The following PLD5 variants were observed in gnomAD, a reference collection of about 807,000 sequenced individuals.
PLD5 encodes inactive phospholipase D5.
PLD5 carries 36 observed loss-of-function variants against 61.1 expected under a neutral mutation model. The ratio of observed to expected loss-of-function variants is 0.59; its 90% confidence interval spans 0.45 to 0.78. The LOEUF is 0.78. PLD5 is among the 30% of genes least tolerant of loss of function. The probability of loss-of-function intolerance (pLI) is 0.00; values close to 1 mark genes in which losing one functional copy is unlikely to be tolerated. For synonymous variants in PLD5, 243 were observed against 242.8 expected (o/e 1.00, Z -0.01); for missense variants, 515 against 644.4 (o/e 0.80, Z 2.17).
chr1:242,111,539 G>A (rs1424896876), intron 7 of PLD5, among the ~76,000 whole-genome samples: 12 of 151,742 alleles, frequency 7.9e-5, no homozygotes, highest in Admixed American at 7.9e-4. Flanking sequence ...CTTTCATCTG[G>A]ATGTTTGGCA....
At chr1:242,375,830 G>A (rs6656703) in intron 1 of PLD5, among the ~76,000 whole-genome samples, 121,001 of 152,044 alleles carry the variant, frequency 0.8, 48,536 homozygotes, top group South Asian at 0.87. Context: ...TTAAGGTAAC[G>A]GCCAATTGCA....
At chr1:242,404,143 A>G (rs895896462) in intron 1 of PLD5, among the ~76,000 whole-genome samples, 20 of 152,166 alleles carry the variant, frequency 1.3e-4, no homozygotes, top group Non-Finnish European at 2.6e-4. Flanking sequence ...CAGGAAACCA[A>G]TGTTTATAAA....
chr1:242,500,225 T>TA (rs1668510390), intron 1 of PLD5, among the ~76,000 whole-genome samples: 2 of 152,122 alleles, frequency 1.3e-5, no homozygotes, highest in South Asian at 4.1e-4. Flanking sequence ...ACCACTGTGC[T>TA]AAAAAAACAA....
intron 6 of PLD5, among the ~76,000 whole-genome samples, chr1:242,115,863 T>C (rs1361937804): frequency 1.3e-5 from 2 of 152,340 alleles, no homozygotes; most frequent in East Asian, 3.9e-4. Context: ...CAAATTCTGC[T>C]TGAGGCATTT....
intron 1 of PLD5, among the ~76,000 whole-genome samples, chr1:242,470,759 A>G (rs1200339704): frequency 1.3e-5 from 2 of 152,246 alleles, no homozygotes; most frequent in Non-Finnish European, 2.9e-5. Context: ...TTTTCAAATT[A>G]AAACTCATGT....
At chr1:242,490,600 T>G (rs1308958221) in intron 1 of PLD5, among the ~76,000 whole-genome samples, 1 of 152,224 alleles carries the variant, frequency 6.6e-6, no homozygotes, top group African/African-American at 2.4e-5. Flanking sequence ...ATTTATTATA[T>G]AAACTTGATT....
chr1:242,331,152 T>C (rs1659144918), intron 2 of PLD5, among the ~76,000 whole-genome samples: 1 of 152,200 alleles, frequency 6.6e-6, no homozygotes, highest in Non-Finnish European at 1.5e-5. Context: ...CTGTGCCAGC[T>C]GCCAGAAATG....
At chr1:242,098,393 G>A (rs928609385) in intron 9 of PLD5, among the ~76,000 whole-genome samples, 19 of 152,166 alleles carry the variant, frequency 1.2e-4, no homozygotes, top group South Asian at 2.1e-4. Context: ...TTCTCATGCC[G>A]TGGTTTTCAG....
At chr1:242,174,059 A>T (rs933876864) in intron 5 of PLD5, among the ~76,000 whole-genome samples, 36 of 152,216 alleles carry the variant, frequency 2.4e-4, no homozygotes, top group Non-Finnish European at 4.9e-4. Context: ...GGATCTAATT[A>T]AACTAAAGAG....
chr1:242,097,701 A>G lies in PLD5; in HGVS notation c.1354+2967T>C, dbSNP rs982099738. ...TTTTCTCCCATTCTGTAGGTTGCCTATTCACTCTGATGGTAGTTTCTTTTG... is the reference window on the plus strand; with the variant it reads ...TTTTCTCCCATTCTGTAGGTTGCCTGTTCACTCTGATGGTAGTTTCTTTTG... On this transcript the variant is annotated intron_variant, in intron 9 of 9. Transcript: ENST00000536534. Among the ~76,000 whole-genome samples, 295 of 152,216 alleles carry G rather than the reference A, an allele frequency of 1.9e-3. 1 individual carries two copies. Among genetic ancestry groups the G allele is most frequent in the African/African-American group, 6.0e-3 (251 of 41,536 alleles).
intron 5 of PLD5, among the ~76,000 whole-genome samples, chr1:242,151,022 A>C (rs1485815996): frequency 6.6e-6 from 1 of 151,812 alleles, no homozygotes; most frequent in Non-Finnish European, 1.5e-5. Context: ...ATTTTTAATT[A>C]ATCAGAGTCC....
intron 1 of PLD5, chr1:242,377,223 G>A: frequency 3.7e-6 from 6 of 1,611,496 alleles, no homozygotes; most frequent in Non-Finnish European, 4.2e-6. Flanking sequence ...GCACTGGTAG[G>A]AAGAACCATC....
intron 1 of PLD5, among the ~76,000 whole-genome samples, chr1:242,364,285 A>G (rs929409051): frequency 1.3e-5 from 2 of 152,266 alleles, no homozygotes; most frequent in Non-Finnish European, 2.9e-5. Context: ...ACTAAAAAAT[A>G]CTATCAACCA....
chr1:242,160,741 C>T (rs573337119), intron 5 of PLD5, among the ~76,000 whole-genome samples: 31 of 151,916 alleles, frequency 2.0e-4, no homozygotes, highest in African/African-American at 3.6e-4. Context: ...AAAAACTAGC[C>T]GGGTGTGGTT....
chr1:242,289,582 A>T (rs150672066), intron 2 of PLD5, among the ~76,000 whole-genome samples: 36 of 151,942 alleles, frequency 2.4e-4, no homozygotes, highest in African/African-American at 8.2e-4. Flanking sequence ...CGAACTCCTG[A>T]CCTCTCATGA....
At chr1:242,412,204 C>A (rs1181767844) in intron 1 of PLD5, among the ~76,000 whole-genome samples, 1 of 152,128 alleles carries the variant, frequency 6.6e-6, no homozygotes, top group Non-Finnish European at 1.5e-5. Context: ...GGGAAGAAAG[C>A]CTTGTGGTGG....
intron 2 of PLD5, among the ~76,000 whole-genome samples, chr1:242,330,180 A>T (rs1659085074): frequency 6.6e-6 from 1 of 152,218 alleles, no homozygotes; most frequent in East Asian, 1.9e-4. Context: ...TGGTTCCTTC[A>T]TCAGCCATAT....
At chr1:242,151,683 T>G (rs1664938486) in intron 5 of PLD5, among the ~76,000 whole-genome samples, 1 of 152,124 alleles carries the variant, frequency 6.6e-6, no homozygotes, top group African/African-American at 2.4e-5. Context: ...GCTTCTTGGA[T>G]CTATGGTTTG....
At chr1:242,485,153 A>T (rs1448039693) in intron 1 of PLD5, among the ~76,000 whole-genome samples, 7 of 152,202 alleles carry the variant, frequency 4.6e-5, no homozygotes, top group African/African-American at 1.4e-4. Context: ...CTGGCACAAG[A>T]CAGGGATGCC....
Sources: gnomAD v4.1 joint callset for allele counts (sites outside exome capture counted in the v4.1 genomes callset) on GRCh38, gnomAD v4.1.1 for gene constraint, MANE v1.5 for transcripts, NCBI Gene and HGNC (gene_info 2026-07-23, HGNC 2026-07-21) for gene names.